The following MEGF6 variants were observed in gnomAD, a reference collection of about 807,000 sequenced individuals.
MEGF6 encodes multiple EGF like domains 6, also known as multiple epidermal growth factor-like domains protein 6.
Under a neutral mutation model 207.1 loss-of-function variants are expected in MEGF6, and 184 were observed. The ratio of observed to expected loss-of-function variants is 0.89; its 90% CI spans 0.79 to 1.00. The LOEUF (loss-of-function observed/expected upper bound fraction) is 1.00, where lower values mean the gene tolerates loss of function less well. MEGF6 is among the 50% of genes least tolerant of loss of function. MEGF6 has a pLI of 0.00. For missense variants in MEGF6, 2,282 were observed against 2,202.9 expected (o/e 1.04, Z -0.72); for synonymous variants, 1,038 against 910.0 (o/e 1.14, Z -2.53).
At chr1:3,553,755 G>A (rs555274911) in intron 4 of MEGF6, among the ~76,000 whole-genome samples, 2 of 152,330 alleles carry the variant, frequency 1.3e-5, no homozygotes, top group East Asian at 3.9e-4. Flanking sequence ...AGGCAGGGCA[G>A]CGGCAGGCAT....
intron 26 of MEGF6, chr1:3,497,621 G>C (rs1640667340): frequency 3.0e-6 from 2 of 664,494 alleles, no homozygotes; most frequent in Non-Finnish European, 5.5e-6. Flanking sequence ...CTTGGCACAG[G>C]CTGCAGGGAC....
intron 4 of MEGF6, among the ~76,000 whole-genome samples, chr1:3,569,596 T>C (rs549296965): frequency 6.6e-6 from 1 of 152,220 alleles, no homozygotes; most frequent in South Asian, 2.1e-4. Context: ...AAGGAGACCA[T>C]CCAGGAGACT....
intron 17 of MEGF6, among the ~76,000 whole-genome samples, chr1:3,503,849 A>C (rs1333186674): frequency 1.3e-5 from 2 of 152,074 alleles, no homozygotes; most frequent in Non-Finnish European, 1.5e-5. Context: ...GGGCTTGTGC[A>C]CAGATGGGAA....
At chr1:3,600,216 C>T (rs4018202) in intron 2 of MEGF6, among the ~76,000 whole-genome samples, 105,845 of 152,050 alleles carry the variant, frequency 0.7, 37,799 homozygotes, top group East Asian at 0.85. Context: ...GTGGCCAAGC[C>T]AATGAGCAGC....
rs746894329 is a variant in MEGF6 at position 3,497,507 on chromosome 1, G to A, written c.3353-146C>T. The A allele has an allele frequency of 8.0e-6, 9 of 1,129,916 alleles. No individual in the cohort carries two copies. In the South Asian group the frequency reaches 1.1e-4, roughly 14 times the overall value. The allele number at this position is 1,129,916 out of a possible 1,614,324, so 70.0% of individuals were successfully genotyped here. The stretch of plus-strand genomic sequence containing the variant: ...TGTGCTCACCATTCTCACACCTGGA[G>A]CCCCCCGCCACCCCGGAGGGCAGAG... On this transcript the variant is annotated intron_variant, in intron 26 of 36. Coordinates refer to ENST00000356575, the MANE Select transcript of MEGF6 (RefSeq NM_001409.4).
chr1:3,570,050 G>C (rs975792345), intron 4 of MEGF6, among the ~76,000 whole-genome samples: 8 of 152,238 alleles, frequency 5.3e-5, no homozygotes, highest in Non-Finnish European at 7.3e-5. Flanking sequence ...CCCCTTCCCA[G>C]AGTCAGCCCT....
chr1:3,567,921 G>A (rs868421819), intron 4 of MEGF6, among the ~76,000 whole-genome samples: 1 of 152,008 alleles, frequency 6.6e-6, no homozygotes, highest in South Asian at 2.1e-4. Context: ...AACCAGCCTC[G>A]GGCTCCCCCA....
chr1:3,500,058 G>C, intron 21 of MEGF6, 134 bp from the exon 22 acceptor site: 1 of 1,313,124 alleles, frequency 7.6e-7, no homozygotes, highest in South Asian at 1.5e-5. Flanking sequence ...GCCCAAGGGA[G>C]ACTGGGCTCA....
chr1:3,548,446 C>T (rs1453617559), intron 4 of MEGF6, among the ~76,000 whole-genome samples: 3 of 152,246 alleles, frequency 2.0e-5, no homozygotes, highest in Admixed American at 2.0e-4. Flanking sequence ...CTGCGGAGGT[C>T]CATGGTGGGA....
At chr1:3,520,939 CCT>C (rs1354261871) in intron 5 of MEGF6, among the ~76,000 whole-genome samples, 2 of 152,262 alleles carry the variant, frequency 1.3e-5, no homozygotes, top group East Asian at 3.9e-4. Context: ...GTGTCAGCCC[CCT>C]GAGAGCTCTG....
rs948549389 is a variant in MEGF6, at chr1:3,488,799, A to C, written c.*1729T>G. Reference sequence around the variant, plus strand: ...TGACATTGATGTTCTTCAAGGTCTTATGGCTTTTTTATGTTATTTTTCCAC... The same window carrying C: ...TGACATTGATGTTCTTCAAGGTCTTCTGGCTTTTTTATGTTATTTTTCCAC... On this transcript the variant is annotated 3_prime_UTR_variant, in exon 37 of 37. Coordinates refer to ENST00000356575, the MANE Select transcript of MEGF6 (RefSeq NM_001409.4). 1.3e-5 allele frequency among the ~76,000 whole-genome samples: 2 copies of C among 152,162 alleles called. No homozygotes were observed. The highest frequency in any genetic ancestry group is 6.5e-5 in the Admixed American group (1 of 15,286).
intron 30 of MEGF6, among the ~76,000 whole-genome samples, chr1:3,495,135 C>T (rs1640547309): frequency 6.6e-6 from 1 of 152,210 alleles, no homozygotes; most frequent in African/African-American, 2.4e-5. Context: ...CTGCCGTGGG[C>T]TCAGAGGTGG....
intron 11 of MEGF6, 22 bp from the exon 12 acceptor site, chr1:3,509,267 C>T: frequency 7.0e-7 from 1 of 1,425,218 alleles, no homozygotes; most frequent in Non-Finnish European, 9.2e-7. Context: ...ACAGAGGCGC[C>T]TTAGCCCCTG....
At chr1:3,572,226 CT>C (rs1287399438) in intron 4 of MEGF6, among the ~76,000 whole-genome samples, 38 of 131,108 alleles carry the variant, frequency 2.9e-4, no homozygotes, top group African/African-American at 1.0e-3. Flanking sequence ...GTGCTAGGTC[CT>C]TCCCGAGTGT....
At position 3,611,264 on chromosome 1, in the gene MEGF6, G is replaced by A; in HGVS notation, c.5C>T (p.Ser2Leu). Residue 2 changes from serine (S) to leucine (L), a missense_variant, in exon 1 of 37, where the codon TCG becomes TTG. By Grantham distance (145) the Ser-to-Leu change is moderately radical (BLOSUM62 -2). Coordinates refer to ENST00000356575, the MANE Select transcript of MEGF6 (RefSeq NM_001409.4). M[S>L]FLEEARAAGR... ...CGCTGCCCTCGCCTCTTCAAGGAACGACATCGTGCGCGCCGGTGCCTCCTC... is the reference window on the plus strand; with the variant it reads ...CGCTGCCCTCGCCTCTTCAAGGAACAACATCGTGCGCGCCGGTGCCTCCTC... The A allele has an allele frequency of 1.4e-6, 2 of 1,480,504 alleles. No individual in the cohort carries two copies. The highest frequency in any genetic ancestry group is 1.8e-6 in the Non-Finnish European group (2 of 1,124,056). The allele number at this position is 1,480,504 out of a possible 1,614,324, so 91.7% of individuals were successfully genotyped here.
intron 6 of MEGF6, among the ~76,000 whole-genome samples, chr1:3,515,053 C>T (rs543311817): frequency 2.6e-5 from 4 of 152,192 alleles, no homozygotes; most frequent in Non-Finnish European, 4.4e-5. Context: ...TCAGCACCTG[C>T]CCCACCCACA....
chr1:3,493,922 T>G, intron 33 of MEGF6, 23 bp from the exon 34 acceptor site: 1 of 1,584,062 alleles, frequency 6.3e-7, no homozygotes, highest in Non-Finnish European at 8.6e-7. Flanking sequence ...GTGGGCTCAG[T>G]GTCCCCCTCC....
intron 32 of MEGF6, 117 bp from the exon 33 acceptor site, chr1:3,494,241 C>G: frequency 2.0e-6 from 3 of 1,467,830 alleles, no homozygotes; most frequent in East Asian, 4.9e-5. Context: ...TCCTGCCCGT[C>G]CTCGTCCCTC....
At chr1:3,585,402 GGGTGTGAGT>G in intron 3 of MEGF6, among the ~76,000 whole-genome samples, 1 of 150,316 alleles carries the variant, frequency 6.7e-6, no homozygotes, top group East Asian at 2.0e-4. Context: ...TCCTGTGTGT[GGGTGTGAGT>G]GACACATGTC....
Sources: gnomAD v4.1 joint callset for allele counts (sites outside exome capture counted in the v4.1 genomes callset) on GRCh38, gnomAD v4.1.1 for gene constraint, MANE v1.5 for transcripts, NCBI Gene and HGNC (gene_info 2026-07-23, HGNC 2026-07-21) for gene names.